SERPING1: variants seen among roughly 807,000 people sequenced by gnomAD.
SERPING1 encodes the protein plasma protease C1 inhibitor.
SERPING1 carries 5 observed loss-of-function variants against 34.1 expected under a neutral mutation model. The observed-to-expected ratio is 0.15, with a 90% confidence interval of 0.08 to 0.31. The LOEUF is 0.31. SERPING1 is among the 10% of genes least tolerant of loss of function. The pLI is 1.00. For synonymous variants in SERPING1, 225 were observed against 242.4 expected (o/e 0.93, Z 0.67); for missense variants, 505 against 609.5 (o/e 0.83, Z 1.81).
intron 7 of SERPING1, among the ~76,000 whole-genome samples, chr11:57,612,819 A>C (rs1391682724): frequency 6.6e-6 from 1 of 151,950 alleles, no homozygotes; most frequent in Non-Finnish European, 1.5e-5. Flanking sequence ...ATCTTGGGTC[A>C]CTGCAACCTC....
intron 6 of SERPING1, 24 bp from the exon 7 acceptor site, chr11:57,611,693 T>C: frequency 6.2e-7 from 1 of 1,601,512 alleles, no homozygotes; most frequent in Non-Finnish European, 8.6e-7. Context: ...GGAAGACTGT[T>C]AAGATGCATC....
At chr11:57,611,121 T>G (rs1945472038) in intron 6 of SERPING1, 1 of 154,316 alleles carries the variant, frequency 6.5e-6, no homozygotes, top group Admixed American at 6.3e-5. Context: ...TTAGTAGAGG[T>G]GGGGTTTCAT....
At chr11:57,605,443 C>A (rs2135316790) in intron 4 of SERPING1, among the ~76,000 whole-genome samples, 2 of 152,210 alleles carry the variant, frequency 1.3e-5, no homozygotes, top group South Asian at 4.1e-4. Flanking sequence ...GGATTACAGG[C>A]TGGTCTTGAA....
chr11:57,613,689 G>A (rs965059988), intron 7 of SERPING1, among the ~76,000 whole-genome samples: 3 of 152,148 alleles, frequency 2.0e-5, no homozygotes, highest in Admixed American at 1.3e-4. Flanking sequence ...AAGTCATCAT[G>A]TAGGCATGAT....
intron 4 of SERPING1, among the ~76,000 whole-genome samples, chr11:57,604,144 AAAAAG>A (rs1354105434): frequency 6.6e-5 from 10 of 152,060 alleles, no homozygotes; most frequent in East Asian, 1.9e-4. Context: ...AAAAAAAAAA[AAAAAG>A]AAGAATACCC....
chr11:57,598,217 G>A (rs1945309355), intron 1 of SERPING1, 32 bp from the exon 2 acceptor site: 1 of 1,526,322 alleles, frequency 6.6e-7, no homozygotes, highest in Non-Finnish European at 8.9e-7. Flanking sequence ...TCCCAGGGTG[G>A]GAGCTGGCTC....
chr11:57,604,183 G>C (rs1369103779), intron 4 of SERPING1, among the ~76,000 whole-genome samples: 4 of 151,594 alleles, frequency 2.6e-5, no homozygotes, highest in African/African-American at 9.7e-5. Context: ...AATATATAGG[G>C]CTAGAGGGCT....
At chr11:57,613,880 A>G (rs1294868050) in intron 7 of SERPING1, among the ~76,000 whole-genome samples, 4 of 152,120 alleles carry the variant, frequency 2.6e-5, no homozygotes, top group Non-Finnish European at 5.9e-5. Flanking sequence ...CAAGGGATCT[A>G]GTAGCTCTGT....
intron 4 of SERPING1, chr11:57,605,582 C>CTTT: frequency 1.3e-5 from 2 of 149,076 alleles, no homozygotes; most frequent in Admixed American, 1.3e-4. Flanking sequence ...CTTTCAAGTG[C>CTTT]TTTTTTTTTT....
rs780799832 is a variant in SERPING1, at chr11:57,600,149, C to G, written c.322C>G (p.Gln108Glu). 3.7e-6 allele frequency: 6 copies of G among 1,613,698 alleles called. No individual in the cohort carries two copies. The African/African-American group carries it at 6.7e-5, about 18-fold the overall frequency. The stretch of plus-strand genomic sequence containing the variant: ...CATCCAACCCACCCAACCAACTACC[C>G]AGCTCCCAACAGATTCTCCTACCCA... ...PTIQPTQPTT[Q>E]LPTDSPTQPT... The change falls in exon 3 of 8, where the codon CAG (glutamine) becomes GAG (glutamate). Residue 108 changes from glutamine to glutamate, a missense_variant. Gln to Glu is a conservative substitution (Grantham distance 29, BLOSUM62 2). Coordinates refer to ENST00000278407, the MANE Select transcript of SERPING1 (RefSeq NM_000062.3).
chr11:57,613,700 T>C (rs1945505589), intron 7 of SERPING1, among the ~76,000 whole-genome samples: 1 of 152,188 alleles, frequency 6.6e-6, no homozygotes, highest in African/African-American at 2.4e-5. Flanking sequence ...TAGGCATGAT[T>C]GATTATTACC....
chr11:57,604,010 T>G (rs1945379910), intron 4 of SERPING1, among the ~76,000 whole-genome samples: 1 of 150,884 alleles, frequency 6.6e-6, no homozygotes, highest in Non-Finnish European at 1.5e-5. Flanking sequence ...ATTAGCCAGG[T>G]GTGGTGGCAC....
At chr11:57,614,294 C>T in intron 7 of SERPING1, 34 bp from the exon 8 acceptor site, 1 of 1,611,000 alleles carries the variant, frequency 6.2e-7, no homozygotes, top group Non-Finnish European at 8.5e-7. Context: ...ATCATGCTGG[C>T]TTCTGACTCT....
chr11:57,603,032 A>T (rs1296108011), intron 4 of SERPING1, among the ~76,000 whole-genome samples: 1 of 152,014 alleles, frequency 6.6e-6, no homozygotes, highest in Non-Finnish European at 1.5e-5. Flanking sequence ...CAGGAGTTCA[A>T]GACCAGCCTG....
At chr11:57,609,277 C>G (rs752356521) in intron 6 of SERPING1, among the ~76,000 whole-genome samples, 8 of 151,690 alleles carry the variant, frequency 5.3e-5, no homozygotes, top group Non-Finnish European at 8.8e-5. Context: ...GACTCTGTCT[C>G]AAAACACAAA....
At chr11:57,608,231 G>T (rs1945433911) in intron 6 of SERPING1, among the ~76,000 whole-genome samples, 1 of 152,214 alleles carries the variant, frequency 6.6e-6, no homozygotes, top group African/African-American at 2.4e-5. Flanking sequence ...TAGGTGGAAA[G>T]TAGGAATTAA....
At position 57,599,392 on chromosome 11, in the gene SERPING1, G is replaced by A. The variant is rs185153672; in HGVS notation, c.52-487G>A. ...CCTTCTTTCCTCCTTCCCTTTCTTC[G>A]TTCCCTTCCTAATGTGTACTGTTTT... On this transcript the variant is annotated intron_variant, in intron 2 of 7. Coordinates refer to ENST00000278407, the MANE Select transcript of SERPING1 (RefSeq NM_000062.3). Among the ~76,000 whole-genome samples, 30 of 151,014 alleles carry A rather than the reference G, an allele frequency of 2.0e-4. No homozygotes were observed. The East Asian group carries it at 5.1e-3, about 25-fold the overall frequency.
chr11:57,606,088 G>C lies in SERPING1; in HGVS notation c.764G>C (p.Ser255Thr), dbSNP rs893262278. 46 of 1,614,010 alleles carry C rather than the reference G, an allele frequency of 2.9e-5. No individual in the cohort carries two copies. The highest frequency in any genetic ancestry group is 3.7e-5 in the Non-Finnish European group (44 of 1,180,034). ...SSSPRVLSNNSDANLELINTW... is the reference protein window; with the variant it reads ...SSSPRVLSNNTDANLELINTW... ...AGCCCCAGAGTCCTAAGCAACAACA[G>C]TGACGCCAACTTGGAGCTCATCAAC... The change falls in exon 5 of 8, where the codon AGT (serine) becomes ACT (threonine). Residue 255 changes from serine to threonine, a missense_variant. By Grantham distance (58) the Ser-to-Thr change is moderately conservative. Coordinates refer to ENST00000278407, the MANE Select transcript of SERPING1 (RefSeq NM_000062.3).
intron 3 of SERPING1, 130 bp downstream of exon 3, chr11:57,600,507 G>C: frequency 1.0e-6 from 1 of 966,446 alleles, no homozygotes; most frequent in Non-Finnish European, 1.6e-6. Flanking sequence ...ATTGGGGGTG[G>C]GGTAGAGGGA....
Sources: allele counts gnomAD v4.1 joint callset (sites outside exome capture counted in the v4.1 genomes callset), GRCh38; gene constraint gnomAD v4.1.1; transcripts MANE v1.5; gene names NCBI Gene and HGNC (gene_info 2026-07-23, HGNC 2026-07-21).